CTDP1: variants seen among roughly 807,000 people sequenced by gnomAD.
The protein encoded by CTDP1 is RNA polymerase II subunit A C-terminal domain phosphatase.
In CTDP1, 47 loss-of-function variants were observed where a neutral mutation model predicts 91.8. The observed-to-expected ratio is 0.51, with a 90% CI of 0.41 to 0.65. The LOEUF (loss-of-function observed/expected upper bound fraction) is 0.65. CTDP1 is among the 30% of genes least tolerant of loss of function. CTDP1 has a pLI of 0.00. For missense variants in CTDP1, 1,272 were observed against 1,373.7 expected (o/e 0.93, Z 1.17); for synonymous variants, 656 against 598.5 (o/e 1.10, Z -1.40).
chr18:79,691,169 C>G (rs1385728563), intron 1 of CTDP1, among the ~76,000 whole-genome samples: 1 of 152,200 alleles, frequency 6.6e-6, no homozygotes, highest in African/African-American at 2.4e-5. Context: ...CCGGTGGCAC[C>G]TCCGTCTTGC....
At chr18:79,683,908 G>GT (rs2085428797) in intron 1 of CTDP1, among the ~76,000 whole-genome samples, 1 of 152,250 alleles carries the variant, frequency 6.6e-6, no homozygotes, top group African/African-American at 2.4e-5. Flanking sequence ...GCCCAGGACG[G>GT]TTTTGGGACC....
chr18:79,710,643 C>G (rs2086061782), intron 6 of CTDP1, among the ~76,000 whole-genome samples: 1 of 151,534 alleles, frequency 6.6e-6, no homozygotes, highest in African/African-American at 2.4e-5. Context: ...GCCTCAGCCT[C>G]CTGAGTAGCT....
intron 5 of CTDP1, among the ~76,000 whole-genome samples, chr18:79,705,597 A>G (rs772061814): frequency 1.3e-5 from 2 of 151,758 alleles, no homozygotes; most frequent in Non-Finnish European, 2.9e-5. Flanking sequence ...CGGGACGGCG[A>G]CCGTCTGTCC....
At chr18:79,684,193 TGA>T (rs1456680998) in intron 1 of CTDP1, among the ~76,000 whole-genome samples, 2 of 152,202 alleles carry the variant, frequency 1.3e-5, no homozygotes, top group African/African-American at 4.8e-5. Flanking sequence ...TTTGAGAAAC[TGA>T]GAGGTGTGGA....
intron 11 of CTDP1, among the ~76,000 whole-genome samples, chr18:79,734,379 G>A (rs1453354806): frequency 6.6e-6 from 1 of 152,266 alleles, no homozygotes; most frequent in East Asian, 1.9e-4. Context: ...GTGTTTACAC[G>A]AGTCAGGCAG....
At chr18:79,692,365 G>A (rs1017587641) in intron 1 of CTDP1, among the ~76,000 whole-genome samples, 5 of 152,106 alleles carry the variant, frequency 3.3e-5, no homozygotes, top group Admixed American at 2.0e-4. Flanking sequence ...TGTTCCATGC[G>A]TTTATGTTGT....
At chr18:79,750,739 C>G (rs2086981312) in intron 12 of CTDP1, among the ~76,000 whole-genome samples, 1 of 149,056 alleles carries the variant, frequency 6.7e-6, no homozygotes, top group South Asian at 2.1e-4. Flanking sequence ...GTCTTGAACT[C>G]CTGACCTCAG....
chr18:79,749,578 T>A (rs924656968), intron 12 of CTDP1, among the ~76,000 whole-genome samples: 1 of 151,340 alleles, frequency 6.6e-6, no homozygotes, highest in African/African-American at 2.4e-5. Flanking sequence ...AGAGGGCACT[T>A]CGGCTCTCCT....
intron 10 of CTDP1, 108 bp downstream of exon 10, chr18:79,718,124 G>A: frequency 7.8e-7 from 1 of 1,281,414 alleles, no homozygotes; most frequent in East Asian, 2.5e-5. Flanking sequence ...GGCGGGTGGA[G>A]GCTGCAGACG....
chr18:79,713,242 A>C lies in CTDP1; in HGVS notation c.1030+104A>C. The C allele has an allele frequency of 8.4e-7, 1 of 1,183,564 alleles. No individual in the cohort carries two copies. Among genetic ancestry groups the C allele is most frequent in the Non-Finnish European group, 1.2e-6 (1 of 821,034 alleles). The allele number at this position is 1,183,564 out of a possible 1,614,324, so 73.3% of individuals were successfully genotyped here. A position where few individuals can be genotyped will look rare whatever the true frequency, so the allele number is the denominator to read the frequency against. ...TTTGACTGCTATAAATTCAAGATACACTTTTTTTATTTGTGTTTCAGTAGA... is the reference window on the plus strand; with the variant it reads ...TTTGACTGCTATAAATTCAAGATACCCTTTTTTTATTTGTGTTTCAGTAGA... On this transcript the variant is annotated intron_variant, in intron 7 of 12. Transcript: ENST00000613122. The surrounding 1 kb of genome is among the most constrained non-coding windows in gnomAD (Gnocchi z 4.7).
intron 4 of CTDP1, among the ~76,000 whole-genome samples, chr18:79,700,106 GTC>G (rs1176143376): frequency 1.3e-5 from 2 of 152,180 alleles, no homozygotes; most frequent in Non-Finnish European, 2.9e-5. Context: ...GCCATTCCCT[GTC>G]TCTGTCCCGG....
chr18:79,687,843 C>T (rs2085537473), intron 1 of CTDP1, among the ~76,000 whole-genome samples: 1 of 152,208 alleles, frequency 6.6e-6, no homozygotes, highest in Non-Finnish European at 1.5e-5. Context: ...CCTTGCAGGT[C>T]TGTTTACCCA....
intron 3 of CTDP1, among the ~76,000 whole-genome samples, chr18:79,696,521 G>A (rs903497131): frequency 6.6e-6 from 1 of 151,794 alleles, no homozygotes; most frequent in African/African-American, 2.4e-5. Flanking sequence ...GTGGCCGGGG[G>A]TAGGGGCGGG....
At chr18:79,735,115 G>A (rs550062733) in intron 11 of CTDP1, among the ~76,000 whole-genome samples, 115 of 152,212 alleles carry the variant, frequency 7.6e-4, no homozygotes, top group African/African-American at 2.6e-3. Flanking sequence ...TGATCGAAGC[G>A]GCTTCACACC....
intron 1 of CTDP1, among the ~76,000 whole-genome samples, chr18:79,693,771 A>AACTCCCCTCC (rs1387256392): frequency 6.6e-6 from 1 of 151,922 alleles, no homozygotes; most frequent in Non-Finnish European, 1.5e-5. Context: ...CCCCAGGAAG[A>AACTCCCCTCC]ACTCCCCTCC....
chr18:79,751,255 G>A (rs941379117), intron 12 of CTDP1, among the ~76,000 whole-genome samples: 3 of 145,234 alleles, frequency 2.1e-5, no homozygotes, highest in Non-Finnish European at 1.5e-5. Flanking sequence ...GGGGAGGGAG[G>A]GAGGCTGGGC....
intron 1 of CTDP1, chr18:79,685,315 T>C (rs1470463038): frequency 6.6e-6 from 1 of 152,260 alleles, no homozygotes; most frequent in Non-Finnish European, 1.5e-5. Context: ...GTCTTTTTTT[T>C]CCTGCAGATT....
intron 3 of CTDP1, among the ~76,000 whole-genome samples, chr18:79,696,536 C>T (rs1014427004): frequency 1.3e-5 from 2 of 151,956 alleles, no homozygotes; most frequent in Non-Finnish European, 1.5e-5. Context: ...GGCGGGGGGA[C>T]GTGGTTGGTA....
At chr18:79,695,197 GTGT>G (rs1189769979) in intron 1 of CTDP1, 25 bp from the exon 2 acceptor site, 1 of 1,605,406 alleles carries the variant, frequency 6.2e-7, no homozygotes, top group Non-Finnish European at 8.5e-7. Flanking sequence ...AGATTTTAAA[GTGT>G]TGTTCCCCTT....
Sources: allele counts gnomAD v4.1 joint callset (sites outside exome capture counted in the v4.1 genomes callset), GRCh38; gene constraint gnomAD v4.1.1; non-coding constraint Gnocchi (gnomAD v3.1); transcripts MANE v1.5; gene names NCBI Gene and HGNC (gene_info 2026-07-23, HGNC 2026-07-21).